EDARADD: variants seen among roughly 807,000 people sequenced by gnomAD.
EDARADD encodes the protein EDAR associated via death domain, also known as ectodysplasin-A receptor-associated adapter protein.
EDARADD carries 20 observed loss-of-function variants against 25.6 expected under a neutral mutation model. That is an observed-to-expected ratio of 0.78 (90% CI 0.55 to 1.14). The LOEUF is 1.14. Among genes scored for constraint, EDARADD ranks in the 50% most tolerant of loss-of-function variants. The pLI is 0.00. For synonymous variants in EDARADD, 86 were observed against 94.4 expected, an observed-to-expected ratio of 0.91 and a Z score of 0.52; for missense variants, 225 against 270.1, an observed-to-expected ratio of 0.83 and a Z score of 1.17.
At chr1:236,393,391 C>CTTTCT (rs1553264552), upstream of EDARADD, among the ~76,000 whole-genome samples, 20 of 87,208 alleles carry the variant, frequency 2.3e-4, no homozygotes, top group African/African-American at 9.9e-4. Context: ...TTCTTTCTTT[C>CTTTCT]TTTTTTTTTT....
intron 5 of EDARADD, among the ~76,000 whole-genome samples, chr1:236,479,196 GA>G (rs962179141): frequency 5.3e-5 from 8 of 151,398 alleles, no homozygotes; most frequent in African/African-American, 1.9e-4. Context: ...AAGTACCCTG[GA>G]AAAAAAATTT....
intron 5 of EDARADD, among the ~76,000 whole-genome samples, chr1:236,470,606 AT>A (rs1051624080): frequency 6.6e-6 from 1 of 151,344 alleles, no homozygotes; most frequent in Non-Finnish European, 1.5e-5. Flanking sequence ...TTTTTTTGTT[AT>A]TTTTTTTGTT....
At position 236,467,455 on chromosome 1, in the gene EDARADD, CAT is replaced by C. The variant is rs1491069063; in HGVS notation, c.220-774_220-773del. On this transcript the variant is annotated intron_variant, in intron 4 of 5. Coordinates refer to ENST00000334232, the MANE Select transcript of EDARADD (RefSeq NM_145861.4). ...ACACACACACACACACACACACACA[CAT>C]ACACACACCTGTCCAAGATCAGAAA... 2.9e-3 allele frequency among the ~76,000 whole-genome samples: 409 copies of C among 142,600 alleles called. 1 individual carries two copies. Among genetic ancestry groups the C allele is most frequent in the African/African-American group, 1.0e-2 (382 of 38,290 alleles). The allele number at this position is 142,600 out of a possible 152,430, so 93.6% of individuals were successfully genotyped here.
chr1:236,423,696 G>C (rs1657836917), intron 3 of EDARADD, among the ~76,000 whole-genome samples: 1 of 152,136 alleles, frequency 6.6e-6, no homozygotes, highest in Non-Finnish European at 1.5e-5. Context: ...GAACATATTA[G>C]GCAAATCTGT....
At chr1:236,449,651 C>T (rs1658655787) in intron 4 of EDARADD, among the ~76,000 whole-genome samples, 2 of 152,316 alleles carry the variant, frequency 1.3e-5, no homozygotes, top group South Asian at 4.1e-4. Context: ...TGTTCTACTT[C>T]CCATCCGGGA....
chr1:236,459,458 C>T (rs181120681), intron 4 of EDARADD, among the ~76,000 whole-genome samples: 1 of 152,246 alleles, frequency 6.6e-6, no homozygotes, highest in East Asian at 1.9e-4. Context: ...CTCACTTCAA[C>T]TCAACTCCAG....
intron 3 of EDARADD, among the ~76,000 whole-genome samples, chr1:236,377,268 G>A (rs1195321588): frequency 2.0e-5 from 3 of 151,056 alleles, no homozygotes; most frequent in Admixed American, 2.0e-4. Flanking sequence ...CCATTCTCCT[G>A]CCTCAGCCCC....
At chr1:236,415,449 T>G (rs1657611903) in intron 3 of EDARADD, among the ~76,000 whole-genome samples, 1 of 152,104 alleles carries the variant, frequency 6.6e-6, no homozygotes, top group Non-Finnish European at 1.5e-5. Flanking sequence ...CCTTTTTTAT[T>G]ATTATTATTT....
In EDARADD at chr1:236,484,708, G is replaced by GAAAAA. The variant is rs11358746; in HGVS notation, c.*2074_*2078dup. 7 of 148,836 alleles carry GAAAAA rather than the reference G, an allele frequency of 4.7e-5. No homozygotes were observed. Among genetic ancestry groups the GAAAAA allele is most frequent in the South Asian group, 2.6e-4 (2 of 7,660 alleles). 9.2% of individuals were successfully genotyped at this position (148,836 alleles called of 1,614,324 possible). On this transcript the variant is annotated 3_prime_UTR_variant, in exon 6 of 6. Coordinates refer to ENST00000334232, the MANE Select transcript of EDARADD (RefSeq NM_145861.4). This position sits in a 1 kb window ranked among gnomAD's most constrained non-coding sequence, Gnocchi z 4.1. The stretch of plus-strand genomic sequence containing the variant: ...GGAGACAGAGTGAGAGTCCGTCCCA[G>GAAAAA]AAAAAAAAAAAAAAAAAAAGAACTT...
At chr1:236,366,549 C>T (rs1352199525) in intron 3 of EDARADD, among the ~76,000 whole-genome samples, 10 of 151,326 alleles carry the variant, frequency 6.6e-5, no homozygotes, top group Non-Finnish European at 8.8e-5. Flanking sequence ...AAACCCTCCA[C>T]GGATCTTTGT....
At chr1:236,431,927 C>CAAAAAAAAAAAAAAAAA (rs1170622280) in intron 4 of EDARADD, among the ~76,000 whole-genome samples, 1 of 17,992 alleles carries the variant, frequency 5.6e-5, no homozygotes, top group African/African-American at 9.2e-5. Flanking sequence ...GACTCCGTCT[C>CAAAAAAAAAAAAAAAAA]AAAAAAAAAA....
chr1:236,451,271 C>G (rs1658704516), intron 4 of EDARADD, among the ~76,000 whole-genome samples: 2 of 152,188 alleles, frequency 1.3e-5, no homozygotes, highest in African/African-American at 4.8e-5. Flanking sequence ...CCCAATCCCT[C>G]TCAGTCAGCT....
At chr1:236,409,137 G>T in intron 1 of EDARADD, 79 bp from the exon 2 acceptor site, 1 of 982,126 alleles carries the variant, frequency 1.0e-6, no homozygotes, top group Non-Finnish European at 1.6e-6. Context: ...TCTGTATAGA[G>T]ACAGTTATCA....
At chr1:236,355,933 C>G (rs535893535) in intron 3 of EDARADD, among the ~76,000 whole-genome samples, 2 of 152,162 alleles carry the variant, frequency 1.3e-5, no homozygotes, top group Non-Finnish European at 2.9e-5. Context: ...ACATGGGGCA[C>G]ATGTTCCCAG....
At chr1:236,459,289 C>T (rs1046084807) in intron 4 of EDARADD, among the ~76,000 whole-genome samples, 13 of 152,122 alleles carry the variant, frequency 8.5e-5, no homozygotes, top group African/African-American at 2.9e-4. Context: ...CCATAATCTC[C>T]TGTAAAATAC....
Position 236,450,801 on chromosome 1 carries a change from G to A in EDARADD, c.220-17430G>A, listed in dbSNP as rs148204518. Among the ~76,000 whole-genome samples the A allele has an allele frequency of 4.8e-3, 736 of 152,122 alleles. 9 individuals are homozygous for A. The highest frequency in any genetic ancestry group is 0.017 in the African/African-American group (704 of 41,502). ...GGACCTTAGGTGAGCCACCCTCCTCGGCCTCCCAAAGTGCTGAGATTACAG... is the reference window on the plus strand; with the variant it reads ...GGACCTTAGGTGAGCCACCCTCCTCAGCCTCCCAAAGTGCTGAGATTACAG... On this transcript the variant is annotated intron_variant, in intron 4 of 5. Coordinates refer to ENST00000334232, the MANE Select transcript of EDARADD (RefSeq NM_145861.4).
chr1:236,409,004 G>A (rs1337616697), intron 1 of EDARADD, among the ~76,000 whole-genome samples: 3 of 147,744 alleles, frequency 2.0e-5, no homozygotes, highest in Admixed American at 6.8e-5. Flanking sequence ...TGATCCACCC[G>A]CCTTGGCCTT....
chr1:236,466,562 A>G (rs1312106835), intron 4 of EDARADD, among the ~76,000 whole-genome samples: 1 of 152,208 alleles, frequency 6.6e-6, no homozygotes, highest in Non-Finnish European at 1.5e-5. Context: ...GTTGGTTTTT[A>G]GTTCCAGTAA....
rs192305456 is a variant in EDARADD at position 236,462,128 on chromosome 1, G to A, written c.220-6103G>A. Among the ~76,000 whole-genome samples the A allele has an allele frequency of 5.3e-5, 8 of 152,272 alleles. No homozygotes were observed. In the East Asian group the frequency reaches 1.5e-3, roughly 29 times the overall value. ...CCAAGAGTGGATTGGTTAACATCAG[G>A]GGACTTCGGGTGACTTTCCTTCTAT... On this transcript the variant is annotated intron_variant, in intron 4 of 5. Coordinates refer to ENST00000334232, the MANE Select transcript of EDARADD (RefSeq NM_145861.4).
Sources: allele counts gnomAD v4.1 joint callset (sites outside exome capture counted in the v4.1 genomes callset), GRCh38; gene constraint gnomAD v4.1.1; non-coding constraint Gnocchi (gnomAD v3.1); transcripts MANE v1.5; gene names NCBI Gene and HGNC (gene_info 2026-07-23, HGNC 2026-07-21).